FSTL5: variants seen among roughly 807,000 people sequenced by gnomAD.
FSTL5 encodes the protein follistatin-related protein 5.
FSTL5 carries 62 observed loss-of-function variants against 89.1 expected under a neutral mutation model. The ratio of observed to expected loss-of-function variants is 0.70; its 90% CI spans 0.57 to 0.86. FSTL5 has a LOEUF of 0.86. Ranked by LOEUF, FSTL5 falls within the 40% of genes least tolerant of loss-of-function variation. FSTL5 has a pLI of 0.00. For synonymous variants in FSTL5, 383 were observed against 346.2 expected (o/e 1.11, Z -1.18); for missense variants, 1,057 against 1,001.6 (o/e 1.06, Z -0.75).
chr4:161,553,096 A>G (rs769705348), intron 8 of FSTL5, among the ~76,000 whole-genome samples: 103 of 151,706 alleles, frequency 6.8e-4, no homozygotes, highest in Non-Finnish European at 9.4e-4. Context: ...ACATTTTATG[A>G]AAATGTGATA....
At chr4:162,088,979 C>T (rs1730431607) in intron 2 of FSTL5, among the ~76,000 whole-genome samples, 1 of 152,036 alleles carries the variant, frequency 6.6e-6, no homozygotes, top group African/African-American at 2.4e-5. Flanking sequence ...AAGGTGGGAT[C>T]CAAGAAAGAT....
At chr4:161,850,737 G>A (rs1038584580) in intron 4 of FSTL5, among the ~76,000 whole-genome samples, 21 of 152,120 alleles carry the variant, frequency 1.4e-4, no homozygotes, top group East Asian at 5.8e-4. Context: ...AAATATTTTC[G>A]TTTGGAACCA....
At chr4:161,650,236 A>T (rs1393109163) in intron 7 of FSTL5, among the ~76,000 whole-genome samples, 1 of 152,206 alleles carries the variant, frequency 6.6e-6, no homozygotes, top group Non-Finnish European at 1.5e-5. Flanking sequence ...CAGTTCAAAC[A>T]TTTGATCCTG....
At chr4:161,788,760 T>C (rs1008378599) in intron 4 of FSTL5, among the ~76,000 whole-genome samples, 1 of 152,120 alleles carries the variant, frequency 6.6e-6, no homozygotes, top group Admixed American at 6.5e-5. Context: ...TAGCTGAATG[T>C]GGTGATGTGT....
chr4:161,802,535 T>C (rs1490727229), intron 4 of FSTL5, among the ~76,000 whole-genome samples: 1 of 151,772 alleles, frequency 6.6e-6, no homozygotes, highest in Non-Finnish European at 1.5e-5. Context: ...ACAAACTTCC[T>C]AAGTCTGTAT....
chr4:161,840,915 AATAG>A (rs986430170), intron 4 of FSTL5, among the ~76,000 whole-genome samples: 2 of 152,204 alleles, frequency 1.3e-5, no homozygotes, highest in Non-Finnish European at 2.9e-5. Context: ...TGGGATAGAT[AATAG>A]ATAGAGATAC....
intron 1 of FSTL5, among the ~76,000 whole-genome samples, chr4:162,141,185 C>A (rs1732726202): frequency 1.4e-5 from 1 of 71,800 alleles, no homozygotes; most frequent in Non-Finnish European, 2.9e-5. Flanking sequence ...GGCGCGATCT[C>A]GACTCACTGC....
At chr4:161,808,680 A>G (rs1157276818) in intron 4 of FSTL5, among the ~76,000 whole-genome samples, 1 of 152,176 alleles carries the variant, frequency 6.6e-6, no homozygotes, top group African/African-American at 2.4e-5. Flanking sequence ...CTGTTCACCA[A>G]AGGACACAAT....
intron 13 of FSTL5, among the ~76,000 whole-genome samples, chr4:161,477,646 G>C (rs1578864641): frequency 7.9e-6 from 1 of 126,034 alleles, no homozygotes; most frequent in Admixed American, 7.8e-5. Context: ...GTCTATCTCT[G>C]AACTTATTTA....
In FSTL5 at chr4:161,510,441, G is replaced by A; in HGVS notation, c.1313-17C>T. ...TGTTAGCTACTGCAGCATGTTGAAA[G>A]AAAAAGAAGAAAAAGAAAAATGAGT... On this transcript the variant is annotated splice_polypyrimidine_tract_variant and intron_variant, in intron 10 of 15. Coordinates refer to ENST00000306100, the MANE Select transcript of FSTL5 (RefSeq NM_020116.5). The A allele has an allele frequency of 1.4e-6, 2 of 1,444,850 alleles. No individual in the cohort carries two copies. Among genetic ancestry groups the A allele is most frequent in the African/African-American group, 1.5e-5 (1 of 68,936 alleles). 89.5% of individuals were successfully genotyped at this position (1,444,850 alleles called of 1,614,324 possible).
chr4:161,586,583 T>A (rs1294871174), intron 8 of FSTL5, among the ~76,000 whole-genome samples: 3 of 152,236 alleles, frequency 2.0e-5, no homozygotes, highest in Non-Finnish European at 4.4e-5. Context: ...CACTATCTCT[T>A]ACTTGGACAC....
Position 161,455,091 on chromosome 4 carries a change from G to C in FSTL5, c.1754C>G (p.Thr585Arg), listed in dbSNP as rs369903938. The change falls in exon 15 of 16, where the codon ACG becomes AGG. Residue 585 changes from threonine to arginine, a missense_variant. By Grantham distance (71) the Thr-to-Arg change is moderately conservative. This residue lies in a region of FSTL5 where 980 missense variants were observed against 903.2 expected (regional missense o/e 1.08). Coordinates refer to ENST00000306100, the MANE Select transcript of FSTL5 (RefSeq NM_020116.5). ...CTTTCCCACTGGTTGGGTGTGGATC[G>C]TGTGGTGAGGCACATTCCCACTGGC... ...TLASGNVPHH[T>R]IHTQPVGKQF... 2.5e-6 allele frequency: 4 copies of C among 1,608,828 alleles called. No individual in the cohort carries two copies. The highest frequency in any genetic ancestry group is 3.4e-6 in the Non-Finnish European group (4 of 1,177,914).
chr4:161,645,763 G>A lies in FSTL5; in HGVS notation c.894+10565C>T, dbSNP rs144173874. On this transcript the variant is annotated intron_variant, in intron 7 of 15. Coordinates refer to ENST00000306100, the MANE Select transcript of FSTL5 (RefSeq NM_020116.5). ...ATGCCAATGCTCCCTGCTTTATTTG[G>A]CTTAGAAGCTTTTGGATCATAAATA... is the stretch of plus-strand genomic sequence containing the variant. 9.2e-4 allele frequency among the ~76,000 whole-genome samples: 140 copies of A among 152,046 alleles called. 2 individuals carry two copies. The East Asian group carries it at 0.023, about 25-fold the overall frequency.
At chr4:161,873,707 C>A (rs902363640) in intron 4 of FSTL5, among the ~76,000 whole-genome samples, 2 of 150,756 alleles carry the variant, frequency 1.3e-5, no homozygotes, top group Non-Finnish European at 2.9e-5. Context: ...CCTGCATTAT[C>A]AATTATTTTT....
chr4:161,606,674 T>C (rs1365337746), intron 7 of FSTL5, among the ~76,000 whole-genome samples: 1 of 152,142 alleles, frequency 6.6e-6, no homozygotes, highest in Admixed American at 6.6e-5. Context: ...AGAAATAATG[T>C]TCAGAGTAAT....
chr4:162,003,612 A>T (rs17459442), intron 3 of FSTL5, among the ~76,000 whole-genome samples: 9,121 of 152,286 alleles, frequency 0.06, 366 homozygotes, highest in Non-Finnish European at 0.093. Context: ...GAATGACATG[A>T]TGAAAATAGA....
intron 10 of FSTL5, among the ~76,000 whole-genome samples, chr4:161,525,833 T>C (rs868859439): frequency 6.6e-6 from 1 of 152,306 alleles, no homozygotes; most frequent in South Asian, 2.1e-4. Flanking sequence ...TGACTTTTGG[T>C]ATTATAGTGG....
chr4:161,602,205 C>A (rs941116589), intron 7 of FSTL5, among the ~76,000 whole-genome samples: 3 of 148,846 alleles, frequency 2.0e-5, no homozygotes, highest in Admixed American at 6.7e-5. Flanking sequence ...CGTGTGCGCA[C>A]GCATGCACAC....
At chr4:162,001,623 TGTGTAA>T (rs997317522) in intron 3 of FSTL5, among the ~76,000 whole-genome samples, 3 of 137,018 alleles carry the variant, frequency 2.2e-5, no homozygotes, top group East Asian at 2.1e-4. Context: ...TGTGTGTGTG[TGTGTAA>T]GTGTAAGAGT....
Sources: gnomAD v4.1 joint callset for allele counts (sites outside exome capture counted in the v4.1 genomes callset) on GRCh38, gnomAD v4.1.1 for gene constraint, gnomAD v4.1.1 regional missense constraint, MANE v1.5 for transcripts, NCBI Gene and HGNC (gene_info 2026-07-23, HGNC 2026-07-21) for gene names.